The following ULK2 variants were observed in gnomAD, a reference collection of about 807,000 sequenced individuals.
The protein encoded by ULK2 is unc-51 like autophagy activating kinase 2.
ULK2 carries 76 observed loss-of-function variants against 127.5 expected under a neutral mutation model. The observed-to-expected ratio is 0.60, with a 90% CI of 0.50 to 0.72. The LOEUF is 0.72. ULK2 is among the 30% of genes least tolerant of loss of function. The probability of loss-of-function intolerance (pLI) is 0.00; values close to 1 mark genes in which losing one functional copy is unlikely to be tolerated. For synonymous variants in ULK2, 452 were observed against 461.9 expected (o/e 0.98, Z 0.28); for missense variants, 1,144 against 1,295.9 (o/e 0.88, Z 1.80).
Position 19,784,082 on chromosome 17 carries a change from A to G in ULK2, c.2252-177T>C, listed in dbSNP as rs185293836. The stretch of plus-strand genomic sequence containing the variant: ...TAATAGTTTTTACTTATCCATGTTC[A>G]TTGTTATTCCTTGTCTATATATTTT... On this transcript the variant is annotated intron_variant, in intron 21 of 26. Coordinates refer to ENST00000395544, the MANE Select transcript of ULK2 (RefSeq NM_014683.4). 579 of 445,898 alleles carry G rather than the reference A, an allele frequency of 1.3e-3. 2 individuals carry two copies. The highest frequency in any genetic ancestry group is 0.01 in the African/African-American group (508 of 49,646). 27.6% of individuals were successfully genotyped at this position (445,898 alleles called of 1,614,324 possible).
At chr17:19,793,869 G>T (rs2087209520) in intron 20 of ULK2, among the ~76,000 whole-genome samples, 1 of 152,178 alleles carries the variant, frequency 6.6e-6, no homozygotes, top group Admixed American at 6.5e-5. Context: ...TCAAACATCA[G>T]AACCAGACTC....
rs148102227 is a variant in ULK2, at chr17:19,792,136, T to G, written c.2101+3486A>C. Among the ~76,000 whole-genome samples, 1,214 of 151,868 alleles carry G rather than the reference T, an allele frequency of 8.0e-3. 3 individuals carry two copies. Among genetic ancestry groups the G allele is most frequent in the Middle Eastern group, 0.044 (13 of 294 alleles). ...CTACACATCAAAAAAGAAGAAATCT[T>G]CAAATAATCTAACAATGCATCTTAA... On this transcript the variant is annotated intron_variant, in intron 20 of 26. Coordinates refer to ENST00000395544, the MANE Select transcript of ULK2 (RefSeq NM_014683.4).
intron 20 of ULK2, among the ~76,000 whole-genome samples, chr17:19,794,898 G>A (rs2087233105): frequency 6.6e-6 from 1 of 152,054 alleles, no homozygotes; most frequent in African/African-American, 2.4e-5. Flanking sequence ...CTAACATGGT[G>A]AAACCCTGTC....
intron 20 of ULK2, among the ~76,000 whole-genome samples, chr17:19,792,720 TCAAAAAAACA>T (rs2087181886): frequency 6.6e-6 from 1 of 151,000 alleles, no homozygotes; most frequent in South Asian, 2.1e-4. Context: ...AGACTCCGTC[TCAAAAAAACA>T]CAAAAAAACA....
chr17:19,773,268 C>G lies in ULK2; in HGVS notation c.*3081G>C, dbSNP rs1254658421. The stretch of plus-strand genomic sequence containing the variant: ...CTCCAGCCTGGGCAACAGGGTGACT[C>G]TGTCTCAAAACAAGCCAACAAAAAA... On this transcript the variant is annotated 3_prime_UTR_variant, in exon 27 of 27. Transcript: ENST00000395544. The G allele has an allele frequency of 1.3e-5, 2 of 152,390 alleles. No homozygotes were observed. Among genetic ancestry groups the G allele is most frequent in the East Asian group, 3.9e-4 (2 of 5,180 alleles). 9.4% of individuals were successfully genotyped at this position (152,390 alleles called of 1,614,324 possible).
intron 12 of ULK2, among the ~76,000 whole-genome samples, chr17:19,823,124 C>CTTTTTTTTTTT (rs1407810407): frequency 4.2e-4 from 5 of 11,906 alleles, no homozygotes; most frequent in East Asian, 2.0e-3. Context: ...GCACGCCTGG[C>CTTTTTTTTTTT]TATTTTTTTT....
intron 20 of ULK2, among the ~76,000 whole-genome samples, chr17:19,794,740 AG>A (rs2087228830): frequency 2.0e-5 from 3 of 149,078 alleles, no homozygotes; most frequent in Admixed American, 2.0e-4. Flanking sequence ...AAAAAAAACA[AG>A]GAGATTACAA....
At chr17:19,866,534 A>G (rs1429342332) in intron 1 of ULK2, among the ~76,000 whole-genome samples, 2 of 152,124 alleles carry the variant, frequency 1.3e-5, no homozygotes, top group African/African-American at 4.8e-5. Context: ...ATAAATAAGA[A>G]AAGTAGCATT....
chr17:19,781,739 A>T, intron 23 of ULK2, 150 bp downstream of exon 23: 1 of 879,442 alleles, frequency 1.1e-6, no homozygotes, highest in Non-Finnish European at 1.7e-6. Context: ...GTCTTGGCTC[A>T]TATAGTGAAA....
rs573445107 is a variant in ULK2 at position 19,840,553 on chromosome 17, A to G, written c.704+936T>C. On this transcript the variant is annotated intron_variant, in intron 9 of 26. Coordinates refer to ENST00000395544, the MANE Select transcript of ULK2 (RefSeq NM_014683.4). ...TGACTATATGTACTCCTGCCTAAAT[A>G]GTCTATTAATCATTTAAAAAAAAAA... 505 of 299,940 alleles carry G rather than the reference A, an allele frequency of 1.7e-3. 1 individual carries two copies. The highest frequency in any genetic ancestry group is 2.8e-3 in the Non-Finnish European group (429 of 152,480). 18.6% of individuals were successfully genotyped at this position (299,940 alleles called of 1,614,324 possible).
intron 13 of ULK2, among the ~76,000 whole-genome samples, chr17:19,810,723 A>T (rs957078634): frequency 6.6e-6 from 1 of 152,202 alleles, no homozygotes; most frequent in African/African-American, 2.4e-5. Flanking sequence ...TCCCCATTAA[A>T]CATGCAAAAA....
At chr17:19,863,259 G>A (rs2152403595) in intron 3 of ULK2, among the ~76,000 whole-genome samples, 1 of 151,802 alleles carries the variant, frequency 6.6e-6, no homozygotes, top group South Asian at 2.1e-4. Context: ...AGTAATGCAA[G>A]TGAATACAGA....
chr17:19,823,126 A>ATTTTT (rs3884213), intron 12 of ULK2, among the ~76,000 whole-genome samples: 2,293 of 113,100 alleles, frequency 0.02, 246 homozygotes, highest in East Asian at 0.072. Flanking sequence ...ACGCCTGGCT[A>ATTTTT]TTTTTTTTTT....
chr17:19,818,061 G>A (rs1246857259), intron 12 of ULK2, among the ~76,000 whole-genome samples: 1 of 152,128 alleles, frequency 6.6e-6, no homozygotes, highest in African/African-American at 2.4e-5. Flanking sequence ...AGCACTTTGG[G>A]CCTGTAATTC....
chr17:19,810,387 A>T lies in ULK2; in HGVS notation c.1148T>A (p.Val383Glu). 6.2e-7 allele frequency: 1 copy of T among 1,605,670 alleles called. No individual in the cohort carries two copies. Among genetic ancestry groups the T allele is most frequent in the South Asian group, 1.1e-5 (1 of 90,364 alleles). ...ATGTAAATATACATACCCTCCACAC[A>T]CCAAGAATTCATTTGAAGCACGTCT... ...AGRRASNEFL[V>E]CGGQCQPTVS... is the part of the protein sequence containing the mutation. Residue 383 changes from valine to glutamate, a missense_variant, in exon 14 of 27, where the codon GTG (valine) becomes GAG (glutamate). Val to Glu is a moderately radical substitution (Grantham distance 121). This residue lies in a region of ULK2 where 913 missense variants were observed against 970.5 expected (regional missense o/e 0.94). Transcript: ENST00000395544.
intron 11 of ULK2, among the ~76,000 whole-genome samples, chr17:19,825,536 C>T (rs370934415): frequency 3.3e-5 from 5 of 152,054 alleles, no homozygotes; most frequent in South Asian, 4.2e-4. Flanking sequence ...ATGGTGAAAC[C>T]TCGTCTCTAC....
At chr17:19,826,213 T>C in intron 10 of ULK2, 27 bp from the exon 11 acceptor site, 1 of 1,366,596 alleles carries the variant, frequency 7.3e-7, no homozygotes, top group East Asian at 2.6e-5. Context: ...GAATGCAACC[T>C]TTAAAGAGAC....
rs573420976 is a variant in ULK2 at position 19,840,173 on chromosome 17, G to A, written c.704+1316C>T. 7.6e-4 allele frequency: 363 copies of A among 476,162 alleles called. 1 individual carries two copies. Among genetic ancestry groups the A allele is most frequent in the Non-Finnish European group, 1.1e-3 (260 of 232,660 alleles). 29.5% of individuals were successfully genotyped at this position (476,162 alleles called of 1,614,324 possible). On this transcript the variant is annotated intron_variant, in intron 9 of 26. Coordinates refer to ENST00000395544, the MANE Select transcript of ULK2 (RefSeq NM_014683.4). ...TATCACGCCTGGCCACTGTGCCCCC[G>A]ACCCTCAACCCAGCCGAATACAACA...
At chr17:19,801,513 A>T (rs1224481084) in intron 16 of ULK2, among the ~76,000 whole-genome samples, 1 of 152,206 alleles carries the variant, frequency 6.6e-6, no homozygotes, top group Admixed American at 6.5e-5. Context: ...CCTGGGAAGC[A>T]GAGGCTGCAG....
Sources: allele counts gnomAD v4.1 joint callset (sites outside exome capture counted in the v4.1 genomes callset), GRCh38; gene constraint gnomAD v4.1.1; regional missense constraint gnomAD v4.1.1; transcripts MANE v1.5; gene names NCBI Gene and HGNC (gene_info 2026-07-23, HGNC 2026-07-21).